The following RAD52 variants were observed in gnomAD, a reference collection of about 807,000 sequenced individuals.
RAD52 encodes DNA repair protein RAD52 homolog.
RAD52 carries 47 observed loss-of-function variants against 55.5 expected under a neutral mutation model. The ratio of observed to expected loss-of-function variants is 0.85; its 90% CI spans 0.67 to 1.08. The LOEUF (loss-of-function observed/expected upper bound fraction) is 1.08, where lower values mean the gene tolerates loss of function less well. Ranked by LOEUF, RAD52 falls within the 50% of genes least tolerant of loss-of-function variation. RAD52 has a pLI of 0.00. For synonymous variants in RAD52, 184 were observed against 198.9 expected (o/e 0.92, Z 0.63); for missense variants, 468 against 522.8 (o/e 0.90, Z 1.02).
chr12:972,157 T>G (rs552408195), intron 1 of RAD52, among the ~76,000 whole-genome samples: 1 of 152,266 alleles, frequency 6.6e-6, no homozygotes, highest in South Asian at 2.1e-4. Context: ...GAAATGCTCT[T>G]CAAGTGCCTA....
chr12:923,641 T>G (rs766669086), intron 7 of RAD52, among the ~76,000 whole-genome samples: 21 of 149,762 alleles, frequency 1.4e-4, no homozygotes, highest in Non-Finnish European at 2.5e-4. Context: ...AAATGCGGAG[T>G]TCTTGTTTTA....
intron 1 of RAD52, among the ~76,000 whole-genome samples, chr12:943,400 T>C (rs1181498675): frequency 6.6e-6 from 1 of 152,212 alleles, no homozygotes; most frequent in Non-Finnish European, 1.5e-5. Context: ...TGGAGTGCAG[T>C]GGCACAATCT....
chr12:916,114 T>G (rs1956355777), intron 9 of RAD52: 1 of 1,206,764 alleles, frequency 8.3e-7, no homozygotes, highest in Non-Finnish European at 1.1e-6. Flanking sequence ...AAGGCCCACT[T>G]AGTTCCACGG....
At chr12:978,219 T>C (rs1958959772) in intron 1 of RAD52, among the ~76,000 whole-genome samples, 2 of 151,992 alleles carry the variant, frequency 1.3e-5, no homozygotes, top group African/African-American at 4.8e-5. Flanking sequence ...AATTTTTCTT[T>C]TTTTTTTGTA....
intron 7 of RAD52, among the ~76,000 whole-genome samples, chr12:920,358 C>T: frequency 8.5e-6 from 1 of 116,990 alleles, no homozygotes; most frequent in African/African-American, 3.5e-5. Flanking sequence ...ATATCGAGAC[C>T]ATCCTGGCTA....
At chr12:928,266 C>A (rs1164058117) in intron 5 of RAD52, among the ~76,000 whole-genome samples, 1 of 152,158 alleles carries the variant, frequency 6.6e-6, no homozygotes. Flanking sequence ...AATCCCAGCA[C>A]TTTTGGAGGC....
chr12:938,249 G>C (rs985695806), intron 1 of RAD52, among the ~76,000 whole-genome samples: 11 of 152,168 alleles, frequency 7.2e-5, no homozygotes, highest in African/African-American at 2.7e-4. Flanking sequence ...CCATCATTGA[G>C]GTAGTATTTC....
intron 1 of RAD52, among the ~76,000 whole-genome samples, chr12:983,637 C>G (rs1384793370): frequency 6.6e-6 from 1 of 152,162 alleles, no homozygotes; most frequent in East Asian, 1.9e-4. Flanking sequence ...CCAGGCTGGT[C>G]TCCAACTCCT....
At position 968,668 on chromosome 12, in the gene RAD52, G is replaced by A. The variant is rs116964623; in HGVS notation, c.-19+21141C>T. 3.5e-4 allele frequency among the ~76,000 whole-genome samples: 54 copies of A among 152,204 alleles called. No homozygotes were observed. In the East Asian group the frequency reaches 8.7e-3, roughly 24 times the overall value. On this transcript the variant is annotated intron_variant, in intron 1 of 11. Coordinates refer to the RAD52 transcript ENST00000430095. ...AAAAGGAAAAGCCAGAGAATGGTAC[G>A]TCCCTAGGAGCTTTGAAAAGCTTCA...
chr12:989,567 TAAAA>T (rs1959149097), intron 1 of RAD52, among the ~76,000 whole-genome samples: 2 of 151,834 alleles, frequency 1.3e-5, no homozygotes. Context: ...TGGCAAAAAA[TAAAA>T]AACAAAAATC....
chr12:982,870 G>A (rs574724317), intron 1 of RAD52, among the ~76,000 whole-genome samples: 1 of 150,172 alleles, frequency 6.7e-6, no homozygotes, highest in South Asian at 2.1e-4. Flanking sequence ...TCTGTTTTGA[G>A]ACAGAGTCTC....
At chr12:914,235 T>C in intron 10 of RAD52, 114 bp from the exon 11 acceptor site, 3 of 1,291,590 alleles carry the variant, frequency 2.3e-6, no homozygotes, top group Non-Finnish European at 3.2e-6. Flanking sequence ...CTGAAAGTTT[T>C]TGGAATTTCT....
chr12:931,804 G>C (rs746038057), intron 2 of RAD52, among the ~76,000 whole-genome samples: 7 of 152,304 alleles, frequency 4.6e-5, no homozygotes, highest in Non-Finnish European at 8.8e-5. Context: ...CACGGGGGTA[G>C]GAAGCCTTGC....
At chr12:981,703 G>A (rs938802058) in intron 1 of RAD52, among the ~76,000 whole-genome samples, 1 of 151,482 alleles carries the variant, frequency 6.6e-6, no homozygotes, top group African/African-American at 2.4e-5. Context: ...GTTGAAGTGA[G>A]CTGAAACTGA....
chr12:919,488 G>A (rs1428706872), intron 7 of RAD52, among the ~76,000 whole-genome samples: 1 of 152,032 alleles, frequency 6.6e-6, no homozygotes, highest in Non-Finnish European at 1.5e-5. Flanking sequence ...GCTCACACCT[G>A]TAATCCCAGA....
At position 947,717 on chromosome 12, in the gene RAD52, T is replaced by C. The variant is rs185371405; in HGVS notation, c.-19+1885A>G. On this transcript the variant is annotated intron_variant, in intron 1 of 11. Coordinates refer to ENST00000358495, the MANE Select transcript of RAD52 (RefSeq NM_134424.4). ...GCATGGCCAACATGGTGAAACCCTGTCTCTACTAAAAATACCAAAAATTAG... is the reference window on the plus strand; with the variant it reads ...GCATGGCCAACATGGTGAAACCCTGCCTCTACTAAAAATACCAAAAATTAG... 3.1e-3 allele frequency among the ~76,000 whole-genome samples: 471 copies of C among 150,978 alleles called. 1 individual carries two copies. The highest frequency in any genetic ancestry group is 5.1e-3 in the Non-Finnish European group (346 of 67,802).
chr12:978,460 T>A (rs1345978378), intron 1 of RAD52, among the ~76,000 whole-genome samples: 1 of 152,236 alleles, frequency 6.6e-6, no homozygotes, highest in Non-Finnish European at 1.5e-5. Context: ...GTCAATTTTA[T>A]ATAACTAGGT....
chr12:987,908 C>G (rs1303598221), intron 1 of RAD52, among the ~76,000 whole-genome samples: 1 of 152,056 alleles, frequency 6.6e-6, no homozygotes, highest in East Asian at 1.9e-4. Flanking sequence ...GCTCTGTCAC[C>G]CAGACTGGGG....
chr12:951,773 T>C (rs1231320263), upstream of RAD52, among the ~76,000 whole-genome samples: 5 of 152,164 alleles, frequency 3.3e-5, no homozygotes, highest in Non-Finnish European at 5.9e-5. Context: ...TCTTTCTTTT[T>C]GTTTCTTATG....
Sources: allele counts gnomAD v4.1 joint callset (sites outside exome capture counted in the v4.1 genomes callset), GRCh38; gene constraint gnomAD v4.1.1; transcripts MANE v1.5; gene names NCBI Gene and HGNC (gene_info 2026-07-23, HGNC 2026-07-21).